PGBD1: variants seen among roughly 807,000 people sequenced by gnomAD.
The protein encoded by PGBD1 is piggyBac transposable element derived 1, also known as piggyBac transposable element-derived protein 1.
A neutral mutation model predicts 34.7 loss-of-function variants in PGBD1; 25 were observed. That is an observed-to-expected ratio of 0.72 (90% CI 0.52 to 1.00). The LOEUF (loss-of-function observed/expected upper bound fraction) is 1.00. Among genes scored for constraint, PGBD1 ranks in the 50% least tolerant of loss-of-function variants. The pLI, the probability that PGBD1 is intolerant of heterozygous loss-of-function variation, is 0.00. For synonymous variants in PGBD1, 292 were observed against 335.7 expected, an observed-to-expected ratio of 0.87 and a Z score of 1.42; for missense variants, 830 against 959.4, an observed-to-expected ratio of 0.87 and a Z score of 1.78.
intron 4 of PGBD1, among the ~76,000 whole-genome samples, chr6:28,290,949 G>A (rs879939662): frequency 2.0e-5 from 3 of 151,952 alleles, no homozygotes; most frequent in Non-Finnish European, 4.4e-5. Context: ...TACTGCAAAA[G>A]CAGTACTAAG....
intron 4 of PGBD1, among the ~76,000 whole-genome samples, chr6:28,294,367 C>A (rs1450791908): frequency 6.6e-6 from 1 of 152,176 alleles, no homozygotes; most frequent in African/African-American, 2.4e-5. Flanking sequence ...GCAGGTTATC[C>A]AGATCTAGCT....
chr6:28,282,395 A>T (rs185595366), intron 1 of PGBD1, among the ~76,000 whole-genome samples: 48 of 152,304 alleles, frequency 3.2e-4, no homozygotes, highest in Non-Finnish European at 5.6e-4. Flanking sequence ...ATTTACTTCA[A>T]CGAGTTTAAT....
intron 4 of PGBD1, among the ~76,000 whole-genome samples, chr6:28,289,337 C>T (rs1323616909): frequency 1.3e-5 from 2 of 152,136 alleles, no homozygotes; most frequent in East Asian, 3.8e-4. Flanking sequence ...ATATTGTATC[C>T]AGCAGAATTA....
intron 4 of PGBD1, 103 bp downstream of exon 4, chr6:28,287,271 C>G (rs1313328983): frequency 2.1e-6 from 2 of 963,866 alleles, no homozygotes; most frequent in Non-Finnish European, 3.3e-6. Flanking sequence ...TCGTGAGAGC[C>G]ATTCAGGTGG....
At position 28,297,816 on chromosome 6, in the gene PGBD1, G is replaced by GTT. The variant is rs368634720; in HGVS notation, c.773-51_773-50dup. ...GGAACATCTATTCCCTACCCTGGAAGTTTTTTTTTTTTTTTTTTTTTTTTT... is the reference window on the plus strand; with the variant it reads ...GGAACATCTATTCCCTACCCTGGAAGTTTTTTTTTTTTTTTTTTTTTTTTTTT... On this transcript the variant is annotated intron_variant, in intron 5 of 6. Transcript: ENST00000682144. 5.0e-3 allele frequency: 1,756 copies of GTT among 350,502 alleles called. 352 individuals are homozygous for GTT. The highest frequency in any genetic ancestry group is 0.017 in the African/African-American group (369 of 22,318). The allele number at this position is 350,502 out of a possible 1,614,324, so 21.7% of individuals were successfully genotyped here.
rs1363544097 is a variant in PGBD1 at position 28,302,196 on chromosome 6, G to A, written c.2342G>A (p.Cys781Tyr). 2.5e-6 allele frequency: 4 copies of A among 1,614,038 alleles called. No homozygotes were observed. The highest frequency in any genetic ancestry group is 1.7e-5 in the Admixed American group (1 of 60,006). Residue 781 changes from cysteine to tyrosine, a missense_variant, in exon 7 of 7, where the codon TGT becomes TAT. Physicochemically the swap from Cys to Tyr is radical, Grantham distance 194. Transcript: ENST00000682144. ...MNNAWQLHRA[C>Y]NPGASLDPLD... ...AATGCATGGCAACTACACAGAGCCT[G>A]TAACCCAGGTGCTTCTCTAGACCCC...
intron 4 of PGBD1, among the ~76,000 whole-genome samples, chr6:28,291,033 C>G (rs1762433355): frequency 6.7e-6 from 1 of 148,848 alleles, no homozygotes; most frequent in African/African-American, 2.5e-5. Context: ...AATGATACAC[C>G]TCAAGGAACT....
chr6:28,287,466 T>C (rs1384497685), intron 4 of PGBD1, among the ~76,000 whole-genome samples: 4 of 152,234 alleles, frequency 2.6e-5, no homozygotes, highest in Admixed American at 6.5e-5. Context: ...ACTCATTTGA[T>C]GTTGAGTAAC....
chr6:28,286,263 A>G (rs1762282278), intron 3 of PGBD1, among the ~76,000 whole-genome samples: 1 of 152,170 alleles, frequency 6.6e-6, no homozygotes, highest in Admixed American at 6.5e-5. Flanking sequence ...TCTGTTTTAT[A>G]TTTTTGGGTT....
Position 28,301,281 on chromosome 6 carries a change from A to C in PGBD1, c.1427A>C (p.Glu476Ala). ...GGATTTATGAGGCATCCTAGAAGGGAAATGTATTGGGAAGTCTCTGACACC... is the reference window on the plus strand; with the variant it reads ...GGATTTATGAGGCATCCTAGAAGGGCAATGTATTGGGAAGTCTCTGACACC... The part of the protein sequence containing the change: ...LSGFMRHPRR[E>A]MYWEVSDTDQ... Residue 476 changes from glutamate to alanine, a missense_variant, in exon 7 of 7, where the codon GAA becomes GCA. Physicochemically the swap from Glu to Ala is moderately radical, Grantham distance 107. Around this residue, in one of 3 missense-constraint regions of PGBD1, gnomAD observed 372 missense variants for 427.9 expected, o/e 0.87. Coordinates refer to ENST00000682144, the MANE Select transcript of PGBD1 (RefSeq NM_032507.4). The C allele has an allele frequency of 6.2e-7, 1 of 1,614,104 alleles. No individual in the cohort carries two copies. The highest frequency in any genetic ancestry group is 8.5e-7 in the Non-Finnish European group (1 of 1,180,028).
rs1373957003 is a variant in PGBD1, at chr6:28,297,956, G to A, written c.834G>A (p.Met278Ile). 1.2e-6 allele frequency: 2 copies of A among 1,606,850 alleles called. No homozygotes were observed. Among genetic ancestry groups the A allele is most frequent in the Middle Eastern group, 1.7e-4 (1 of 6,040 alleles). Residue 278 changes from methionine (M) to isoleucine (I), a missense_variant, in exon 6 of 7, where the codon ATG (methionine) becomes ATA (isoleucine). Coordinates refer to ENST00000682144, the MANE Select transcript of PGBD1 (RefSeq NM_032507.4). ...CAAAGCAAGAAACTTCTGAAGAAATGGAACAAAGTGGAGAAGCCTCAGGAA... is the reference window on the plus strand; with the variant it reads ...CAAAGCAAGAAACTTCTGAAGAAATAGAACAAAGTGGAGAAGCCTCAGGAA... Reference protein sequence around the residue: ...FKAKQETSEEMEQSGEASGKP... With the variant: ...FKAKQETSEEIEQSGEASGKP...
rs1762141038 is a variant in PGBD1 at position 28,281,889 on chromosome 6, A to G, written c.-68A>G. ...TCAGGTGCTTTACGTGCATTCGTGA[A>G]GAAGCCCATCAGTATTTCTTGAATA... On this transcript the variant is annotated 5_prime_UTR_variant, in exon 1 of 7. Coordinates refer to ENST00000682144, the MANE Select transcript of PGBD1 (RefSeq NM_032507.4). 1 of 153,214 alleles carries G rather than the reference A, an allele frequency of 6.5e-6. No homozygotes were observed. The highest frequency in any genetic ancestry group is 6.5e-5 in the Admixed American group (1 of 15,310). 9.5% of individuals were successfully genotyped at this position (153,214 alleles called of 1,614,324 possible).
intron 6 of PGBD1, among the ~76,000 whole-genome samples, chr6:28,299,207 T>C (rs954728416): frequency 2.6e-5 from 4 of 152,104 alleles, no homozygotes; most frequent in Non-Finnish European, 4.4e-5. Context: ...TAACAGGTAA[T>C]TCATAGTGCC....
In PGBD1 at chr6:28,301,296, T is replaced by A; in HGVS notation, c.1442T>A (p.Val481Asp). Residue 481 changes from valine to aspartate, a missense_variant, in exon 7 of 7, where the codon GTC becomes GAC. This residue lies in a region of PGBD1 where 372 missense variants were observed against 427.9 expected (regional missense o/e 0.87). Transcript: ENST00000682144. ...RHPRREMYWEVSDTDQNLVRD... is the reference protein window; with the variant it reads ...RHPRREMYWEDSDTDQNLVRD... ...CCTAGAAGGGAAATGTATTGGGAAG[T>A]CTCTGACACCGATCAGAACCTGGTT... is the stretch of plus-strand genomic sequence containing the variant. 2 of 1,614,102 alleles carry A rather than the reference T, an allele frequency of 1.2e-6. No individual in the cohort carries two copies. The highest frequency in any genetic ancestry group is 1.7e-6 in the Non-Finnish European group (2 of 1,180,016).
In PGBD1 at chr6:28,285,741, G is replaced by A. The variant is rs140691047; in HGVS notation, c.553+34G>A. The A allele has an allele frequency of 1.5e-5, 24 of 1,593,542 alleles. No homozygotes were observed. The East Asian group carries it at 3.8e-4, about 25-fold the overall frequency. ...TCGAGTGAGTTTAGTGAGGACGCTG[G>A]GAGCTGGCCACTGACACTTGCACAG... On this transcript the variant is annotated intron_variant, in intron 3 of 6. Coordinates refer to ENST00000682144, the MANE Select transcript of PGBD1 (RefSeq NM_032507.4).
In PGBD1 at chr6:28,287,189, T is replaced by C. The variant is rs370396077; in HGVS notation, c.642+21T>C. On this transcript the variant is annotated intron_variant, in intron 4 of 6. Transcript: ENST00000682144. Reference sequence around the variant, plus strand: ...CCCAGGTAAGTAGGATGCCCAAGCTTGTAGGAATATCAGTAGTGGTCTTTC... The same window carrying C: ...CCCAGGTAAGTAGGATGCCCAAGCTCGTAGGAATATCAGTAGTGGTCTTTC... The C allele has an allele frequency of 2.5e-3, 3,854 of 1,561,390 alleles. 13 individuals carry two copies. Among genetic ancestry groups the C allele is most frequent in the South Asian group, 4.7e-3 (420 of 90,066 alleles).
Position 28,301,892 on chromosome 6 carries a change from G to A in PGBD1, c.2038G>A (p.Glu680Lys), listed in dbSNP as rs1224868069. 6.2e-7 allele frequency: 1 copy of A among 1,614,140 alleles called. No individual in the cohort carries two copies. Among genetic ancestry groups the A allele is most frequent in the Admixed American group, 1.7e-5 (1 of 60,012 alleles). Reference sequence around the variant, plus strand: ...AGGGTATTTTGATTTCCGAATAGAAGAAAACAATGAGATAATTTTGTGTCG... The same window carrying A: ...AGGGTATTTTGATTTCCGAATAGAAAAAAACAATGAGATAATTTTGTGTCG... ...KRGYFDFRIE[E>K]NNEIILCRWY... is the part of the protein sequence containing the mutation. The change falls in exon 7 of 7, where the codon GAA becomes AAA. Residue 680 changes from glutamate (E) to lysine (K), a missense_variant. Physicochemically the swap from Glu to Lys is moderately conservative, Grantham distance 56 (BLOSUM62 1). This residue lies in a region of PGBD1 where 372 missense variants were observed against 427.9 expected (regional missense o/e 0.87). Coordinates refer to ENST00000682144, the MANE Select transcript of PGBD1 (RefSeq NM_032507.4).
chr6:28,301,625 A>G lies in PGBD1; in HGVS notation c.1771A>G (p.Thr591Ala), dbSNP rs1431036383. 1 of 1,614,092 alleles carries G rather than the reference A, an allele frequency of 6.2e-7. No individual in the cohort carries two copies. Among genetic ancestry groups the G allele is most frequent in the African/African-American group, 1.3e-5 (1 of 74,936 alleles). Reference protein sequence around the residue: ...VWFEPYQEESTMKVDEDPDLG... With the variant: ...VWFEPYQEESAMKVDEDPDLG... ...GTTTGAACCCTATCAAGAAGAATCA[A>G]CTATGAAGGTAGATGAGGATCCTGA... The change falls in exon 7 of 7, where the codon ACT (threonine) becomes GCT (alanine). Residue 591 changes from threonine to alanine, a missense_variant. Transcript: ENST00000682144.
At chr6:28,282,374 G>A (rs747907574) in intron 1 of PGBD1, among the ~76,000 whole-genome samples, 3 of 152,168 alleles carry the variant, frequency 2.0e-5, no homozygotes, top group Non-Finnish European at 4.4e-5. Context: ...ATTAGATCCT[G>A]GGGAGTTTGA....
Sources: allele counts gnomAD v4.1 joint callset (sites outside exome capture counted in the v4.1 genomes callset), GRCh38; gene constraint gnomAD v4.1.1; regional missense constraint gnomAD v4.1.1; transcripts MANE v1.5; gene names NCBI Gene and HGNC (gene_info 2026-07-23, HGNC 2026-07-21).